Variants in LINGO2 observed in about 807,000 individuals in gnomAD.
LINGO2 encodes the protein leucine rich repeat and Ig domain containing 2.
A neutral mutation model predicts 30.6 loss-of-function variants in LINGO2; 14 were observed. The ratio of observed to expected loss-of-function variants is 0.46; its 90% confidence interval spans 0.30 to 0.72. The LOEUF (loss-of-function observed/expected upper bound fraction) is 0.72, where lower values mean the gene tolerates loss of function less well. Ranked by LOEUF, LINGO2 falls within the 30% of genes least tolerant of loss-of-function variation. LINGO2 has a pLI of 0.07. For synonymous variants in LINGO2, 317 were observed against 288.5 expected, an observed-to-expected ratio of 1.10 and a Z score of -1.00; for missense variants, 729 against 751.7, an observed-to-expected ratio of 0.97 and a Z score of 0.35.
chr9:28,344,851 C>G (rs183764219), intron 3 of LINGO2, among the ~76,000 whole-genome samples: 89 of 152,146 alleles, frequency 5.8e-4, no homozygotes, highest in African/African-American at 2.0e-3. Context: ...GCTTAGCAAA[C>G]AGTTTACCTC....
chr9:28,517,059 G>A (rs905429395), intron 1 of LINGO2, among the ~76,000 whole-genome samples: 3 of 152,174 alleles, frequency 2.0e-5, no homozygotes, highest in African/African-American at 7.2e-5. Flanking sequence ...TAGGCCCTTC[G>A]TGCCTGGTAG....
At chr9:28,573,886 T>G (rs1823826473) in intron 1 of LINGO2, among the ~76,000 whole-genome samples, 1 of 151,774 alleles carries the variant, frequency 6.6e-6, no homozygotes, top group African/African-American at 2.4e-5. Context: ...AACTTTTCAT[T>G]AAAAAACAAG....
At chr9:29,183,527 G>A in the LINGO2 span, among the ~76,000 whole-genome samples, 1 of 152,120 alleles carries the variant, frequency 6.6e-6, no homozygotes, top group African/African-American at 2.4e-5. Flanking sequence ...CTAAGACTTT[G>A]GAGTCTCTAT....
chr9:28,734,017 G>T, the LINGO2 span, among the ~76,000 whole-genome samples: 2 of 152,100 alleles, frequency 1.3e-5, no homozygotes, highest in African/African-American at 4.8e-5. Context: ...TTCCCAGGAT[G>T]CCTGAAACCA....
chr9:29,120,375 T>A, the LINGO2 span, among the ~76,000 whole-genome samples: 1 of 151,754 alleles, frequency 6.6e-6, no homozygotes, highest in Admixed American at 6.5e-5. Flanking sequence ...TTGGGGGATG[T>A]AGAACCAAAA....
At chr9:29,185,186 A>G in the LINGO2 span, among the ~76,000 whole-genome samples, 1 of 152,062 alleles carries the variant, frequency 6.6e-6, no homozygotes, top group Non-Finnish European at 1.5e-5. Context: ...AATTCCAGGC[A>G]TGTCTTGATG....
intron 4 of LINGO2, among the ~76,000 whole-genome samples, chr9:28,189,675 GGAAGGAAGGGAGGAA>G (rs1819735975): frequency 1.2e-5 from 1 of 83,440 alleles, no homozygotes; most frequent in Non-Finnish European, 2.7e-5. Flanking sequence ...AAGGGAGGAA[GGAAGGAAGGGAGGAA>G]GGAAGGGAGG....
At chr9:28,882,523 T>C in the LINGO2 span, among the ~76,000 whole-genome samples, 1 of 152,130 alleles carries the variant, frequency 6.6e-6, no homozygotes, top group African/African-American at 2.4e-5. Context: ...GCTTAGAGAG[T>C]GGTAGACCTT....
chr9:28,865,880 A>C, the LINGO2 span, among the ~76,000 whole-genome samples: 33 of 152,290 alleles, frequency 2.2e-4, no homozygotes, highest in South Asian at 3.5e-3. Context: ...CAAATGTAAA[A>C]TTAAGTTGAT....
intron 3 of LINGO2, among the ~76,000 whole-genome samples, chr9:28,322,413 G>T (rs1825077148): frequency 6.7e-6 from 1 of 150,162 alleles, no homozygotes; most frequent in South Asian, 2.1e-4. Context: ...ATATTTGATA[G>T]TTCCTAGACA....
At chr9:28,021,629 C>T (rs1823128285) in intron 4 of LINGO2, among the ~76,000 whole-genome samples, 1 of 152,054 alleles carries the variant, frequency 6.6e-6, no homozygotes, top group Non-Finnish European at 1.5e-5. Context: ...GTCCATTTCT[C>T]CTTGGAATTT....
the LINGO2 span, among the ~76,000 whole-genome samples, chr9:29,141,989 A>G: frequency 6.6e-6 from 1 of 151,946 alleles, no homozygotes; most frequent in African/African-American, 2.4e-5. Flanking sequence ...TCAATAATGA[A>G]TAGAAAAACC....
chr9:29,053,006 T>TA, the LINGO2 span, among the ~76,000 whole-genome samples: 37 of 151,838 alleles, frequency 2.4e-4, no homozygotes, highest in Non-Finnish European at 4.3e-4. Flanking sequence ...GTCATCATTT[T>TA]AAAAAAAAGG....
the LINGO2 span, among the ~76,000 whole-genome samples, chr9:28,753,687 G>A: frequency 6.6e-6 from 1 of 151,888 alleles, no homozygotes; most frequent in African/African-American, 2.4e-5. Flanking sequence ...GTAACTAAGG[G>A]ATACTGGAGG....
chr9:28,687,182 G>A, the LINGO2 span, among the ~76,000 whole-genome samples: 15 of 152,036 alleles, frequency 9.9e-5, no homozygotes, highest in Admixed American at 8.5e-4. Flanking sequence ...CAGACAACAC[G>A]TCATCTCCTA....
At chr9:29,003,363 G>A in the LINGO2 span, among the ~76,000 whole-genome samples, 1 of 151,908 alleles carries the variant, frequency 6.6e-6, no homozygotes, top group African/African-American at 2.4e-5. Flanking sequence ...AGTATGTGTG[G>A]GAAAGTTAGG....
the LINGO2 span, among the ~76,000 whole-genome samples, chr9:28,982,213 C>A: frequency 2.6e-5 from 4 of 151,996 alleles, no homozygotes; most frequent in Admixed American, 6.6e-5. Flanking sequence ...TTAATAAAGC[C>A]TCCTAGGTGA....
At chr9:28,663,909 T>A (rs1314950384) in intron 1 of LINGO2, among the ~76,000 whole-genome samples, 1 of 128,660 alleles carries the variant, frequency 7.8e-6, no homozygotes, top group African/African-American at 3.5e-5. Flanking sequence ...AACTTGAGAT[T>A]ATATATGAAT....
At chr9:28,213,215 A>G (rs532135938) in intron 4 of LINGO2, among the ~76,000 whole-genome samples, 3 of 151,664 alleles carry the variant, frequency 2.0e-5, no homozygotes, top group East Asian at 3.9e-4. Context: ...TCCTCATTAA[A>G]TGAAAGTTCC....
Sources: gnomAD v4.1 joint callset for allele counts (sites outside exome capture counted in the v4.1 genomes callset) on GRCh38, gnomAD v4.1.1 for gene constraint, MANE v1.5 for transcripts, NCBI Gene and HGNC (gene_info 2026-07-23, HGNC 2026-07-21) for gene names.